TTLL11: variants seen among roughly 807,000 people sequenced by gnomAD.
TTLL11 encodes the protein tubulin tyrosine ligase like 11, also known as tubulin polyglutamylase TTLL11.
A neutral mutation model predicts 51.7 loss-of-function variants in TTLL11; 42 were observed. The ratio of observed to expected loss-of-function variants is 0.81; its 90% CI spans 0.64 to 1.05. TTLL11 has a LOEUF of 1.05. TTLL11 is among the 50% of genes least tolerant of loss of function. The probability of loss-of-function intolerance (pLI) is 0.00; values close to 1 mark genes in which losing one functional copy is unlikely to be tolerated. For synonymous variants in TTLL11, 381 were observed against 383.5 expected (o/e 0.99, Z 0.08); for missense variants, 799 against 940.4 (o/e 0.85, Z 1.97).
At chr9:121,824,478 CA>C (rs35905457) in intron 8 of TTLL11, among the ~76,000 whole-genome samples, 6,255 of 110,260 alleles carry the variant, frequency 0.057, 228 homozygotes, top group African/African-American at 0.14. Context: ...GACTCCATCT[CA>C]AAAAAAAAAA....
rs10985411 is a variant in TTLL11, at chr9:121,838,781, A to C, written c.1841-15902T>G. On this transcript the variant is annotated intron_variant, in intron 8 of 8. Transcript: ENST00000321582. Reference sequence around the variant, plus strand: ...GAGAGAAAGCAAGCAAGCAAGCAAGAAAGCAAGCAAGCAAGCAAGCAAGCA... The same window carrying C: ...GAGAGAAAGCAAGCAAGCAAGCAAGCAAGCAAGCAAGCAAGCAAGCAAGCA... 4.3e-3 allele frequency among the ~76,000 whole-genome samples: 608 copies of C among 139,978 alleles called. 2 individuals carry two copies. Among genetic ancestry groups the C allele is most frequent in the East Asian group, 9.3e-3 (45 of 4,864 alleles). The allele number at this position is 139,978 out of a possible 152,430, so 91.8% of individuals were successfully genotyped here.
At chr9:121,838,777 CAAGA>C (rs753290924) in intron 8 of TTLL11, among the ~76,000 whole-genome samples, 3,156 of 138,492 alleles carry the variant, frequency 0.023, 37 homozygotes, top group African/African-American at 0.037. Context: ...AGCAAGCAAG[CAAGA>C]AAGCAAGCAA....
chr9:121,851,049 G>T (rs1433303922), intron 8 of TTLL11, among the ~76,000 whole-genome samples: 1 of 152,172 alleles, frequency 6.6e-6, no homozygotes, highest in Non-Finnish European at 1.5e-5. Flanking sequence ...AAGACATGGA[G>T]AAACCTTAAA....
chr9:121,844,915 G>A (rs4436195), intron 8 of TTLL11, among the ~76,000 whole-genome samples: 101,800 of 151,856 alleles, frequency 0.67, 34,540 homozygotes, highest in East Asian at 0.79. Flanking sequence ...TGAGAATATC[G>A]GAAGGAGAAG....
chr9:122,043,844 T>TA (rs1564372391), intron 1 of TTLL11, among the ~76,000 whole-genome samples: 1 of 151,980 alleles, frequency 6.6e-6, no homozygotes, highest in African/African-American at 2.4e-5. Flanking sequence ...ATATATATAT[T>TA]TTTTTCTTTT....
chr9:122,082,925 G>A (rs1228904130), intron 1 of TTLL11, among the ~76,000 whole-genome samples: 3 of 152,054 alleles, frequency 2.0e-5, no homozygotes, highest in South Asian at 4.2e-4. Context: ...CCTGGGGGGC[G>A]AGGGTTGCTG....
intron 6 of TTLL11, among the ~76,000 whole-genome samples, chr9:121,964,810 C>T (rs538964890): frequency 6.6e-6 from 1 of 152,128 alleles, no homozygotes; most frequent in Non-Finnish European, 1.5e-5. Flanking sequence ...CGCTTTAAAC[C>T]TCAGGTCAAG....
intron 6 of TTLL11, among the ~76,000 whole-genome samples, chr9:121,881,183 G>A (rs1838774835): frequency 6.6e-6 from 1 of 152,194 alleles, no homozygotes; most frequent in Admixed American, 6.5e-5. Flanking sequence ...TGCTAATGAA[G>A]GGATCCTTTT....
chr9:121,920,960 T>A (rs1588125879), intron 6 of TTLL11, among the ~76,000 whole-genome samples: 2 of 152,240 alleles, frequency 1.3e-5, no homozygotes, highest in South Asian at 4.1e-4. Context: ...GAATAATACA[T>A]CCTCATGCTT....
intron 1 of TTLL11, among the ~76,000 whole-genome samples, chr9:122,068,936 G>T (rs1180911928): frequency 6.6e-6 from 1 of 152,174 alleles, no homozygotes; most frequent in African/African-American, 2.4e-5. Context: ...TGTGGGTGAT[G>T]CAGAGACCCC....
At chr9:121,984,368 A>C (rs1311414307) in intron 4 of TTLL11, among the ~76,000 whole-genome samples, 4 of 152,222 alleles carry the variant, frequency 2.6e-5, no homozygotes, top group African/African-American at 9.6e-5. Context: ...GTCATTTATT[A>C]AGTGATTCCT....
chr9:122,003,025 C>T (rs1241829113), intron 3 of TTLL11, among the ~76,000 whole-genome samples: 4 of 151,644 alleles, frequency 2.6e-5, no homozygotes, highest in Non-Finnish European at 4.4e-5. Flanking sequence ...GTCCACCCAG[C>T]TTAGGAAAAC....
intron 6 of TTLL11, chr9:121,963,593 G>A (rs991789628): frequency 2.0e-5 from 3 of 152,156 alleles, no homozygotes; most frequent in African/African-American, 7.2e-5. Context: ...ACGGCAAGAG[G>A]GAGAGCATGC....
chr9:121,901,747 T>C (rs1029721521), intron 6 of TTLL11, among the ~76,000 whole-genome samples: 1 of 152,198 alleles, frequency 6.6e-6, no homozygotes, highest in African/African-American at 2.4e-5. Context: ...TTGTTGGGTC[T>C]CTAGACTTTG....
intron 6 of TTLL11, among the ~76,000 whole-genome samples, chr9:121,951,947 C>A (rs956567830): frequency 6.6e-6 from 1 of 152,136 alleles, no homozygotes; most frequent in Non-Finnish European, 1.5e-5. Context: ...ACTGTCATGG[C>A]GCTGGTGGGA....
chr9:122,018,238 G>A (rs934335299), intron 3 of TTLL11, among the ~76,000 whole-genome samples: 1 of 149,792 alleles, frequency 6.7e-6, no homozygotes, highest in Admixed American at 6.7e-5. Flanking sequence ...TCAGCCTCCC[G>A]AGTAGCTGGG....
At chr9:122,059,965 C>T (rs1845398659) in intron 1 of TTLL11, among the ~76,000 whole-genome samples, 1 of 152,164 alleles carries the variant, frequency 6.6e-6, no homozygotes, top group South Asian at 2.1e-4. Context: ...ATAGTGACCC[C>T]CATAGGTAAT....
chr9:121,859,596 A>G (rs903433054), intron 8 of TTLL11, among the ~76,000 whole-genome samples: 2 of 152,220 alleles, frequency 1.3e-5, no homozygotes, highest in Non-Finnish European at 1.5e-5. Context: ...GGTTCTTCTC[A>G]CAGAACCCTT....
intron 6 of TTLL11, among the ~76,000 whole-genome samples, chr9:121,894,999 AG>A (rs1839399215): frequency 2.5e-5 from 1 of 39,690 alleles, no homozygotes. Context: ...AGCGGGGGTC[AG>A]GGGAGGTGGG....
Sources: gnomAD v4.1 joint callset for allele counts (sites outside exome capture counted in the v4.1 genomes callset) on GRCh38, gnomAD v4.1.1 for gene constraint, MANE v1.5 for transcripts, NCBI Gene and HGNC (gene_info 2026-07-23, HGNC 2026-07-21) for gene names.